The following ILRUN variants were observed in gnomAD, a reference collection of about 807,000 sequenced individuals.
ILRUN encodes the protein protein ILRUN.
Under a neutral mutation model 33.8 loss-of-function variants are expected in ILRUN, and 3 were observed. The observed-to-expected ratio is 0.09, with a 90% CI of 0.04 to 0.23. ILRUN has a LOEUF of 0.23. Among genes scored for constraint, ILRUN ranks in the 10% least tolerant of loss-of-function variants. The probability of loss-of-function intolerance (pLI) is 1.00; values close to 1 mark genes in which losing one functional copy is unlikely to be tolerated. For synonymous variants in ILRUN, 124 were observed against 138.9 expected, an observed-to-expected ratio of 0.89 and a Z score of 0.75; for missense variants, 210 against 375.1, an observed-to-expected ratio of 0.56 and a Z score of 3.64.
intron 1 of ILRUN, among the ~76,000 whole-genome samples, chr6:34,678,879 C>CGAA (rs1763298394): frequency 7.0e-6 from 1 of 142,186 alleles, no homozygotes; most frequent in Admixed American, 6.9e-5. Flanking sequence ...AAAGAAATTT[C>CGAA]ATTTCCCAAG....
chr6:34,595,920 T>C (rs1055826608), intron 4 of ILRUN: 2 of 985,332 alleles, frequency 2.0e-6, no homozygotes, highest in African/African-American at 3.5e-5. Flanking sequence ...TTCTTCCGCC[T>C]AGTGCTCCTT....
intron 1 of ILRUN, among the ~76,000 whole-genome samples, chr6:34,672,550 TA>T (rs1378298582): frequency 1.3e-5 from 2 of 151,954 alleles, no homozygotes; most frequent in African/African-American, 4.8e-5. Context: ...CCTGTCTCTT[TA>T]AAAAAAATTT....
chr6:34,678,836 CA>C (rs767799882), intron 1 of ILRUN, among the ~76,000 whole-genome samples: 168 of 47,880 alleles, frequency 3.5e-3, no homozygotes, highest in East Asian at 0.022. Flanking sequence ...GACTCCGTCT[CA>C]AAAAAAAAAA....
At chr6:34,672,966 A>C (rs1363129229) in intron 1 of ILRUN, among the ~76,000 whole-genome samples, 1 of 152,224 alleles carries the variant, frequency 6.6e-6, no homozygotes, top group Non-Finnish European at 1.5e-5. Flanking sequence ...AAGTTACCAA[A>C]AGTTTTCAGA....
intron 3 of ILRUN, among the ~76,000 whole-genome samples, chr6:34,642,763 A>G (rs1762497164): frequency 7.4e-6 from 1 of 135,982 alleles, no homozygotes; most frequent in Admixed American, 8.2e-5. Flanking sequence ...CTGAGGAGGG[A>G]GGACCACTTG....
intron 3 of ILRUN, among the ~76,000 whole-genome samples, chr6:34,630,815 T>C (rs1762230232): frequency 6.6e-6 from 1 of 152,170 alleles, no homozygotes; most frequent in African/African-American, 2.4e-5. Flanking sequence ...GTACCTGGCT[T>C]GTTCTATTTT....
intron 3 of ILRUN, chr6:34,617,270 T>C (rs891011387): frequency 2.8e-6 from 1 of 359,332 alleles, no homozygotes; most frequent in Middle Eastern, 9.9e-4. Flanking sequence ...GCGTCTATCA[T>C]GATTATTTTT....
intron 1 of ILRUN, among the ~76,000 whole-genome samples, chr6:34,655,445 T>C (rs1476901151): frequency 6.6e-6 from 1 of 152,250 alleles, no homozygotes; most frequent in East Asian, 1.9e-4. Context: ...TACAATCTTA[T>C]TTTCCCCCTT....
chr6:34,601,476 TA>T (rs138154425), intron 4 of ILRUN, among the ~76,000 whole-genome samples: 38,098 of 151,956 alleles, frequency 0.25, 4,858 homozygotes, highest in East Asian at 0.33. Context: ...GGTGCCCTCT[TA>T]ATGCCTCACA....
intron 1 of ILRUN, among the ~76,000 whole-genome samples, chr6:34,690,062 T>C (rs1050994429): frequency 6.6e-6 from 1 of 152,168 alleles, no homozygotes; most frequent in Non-Finnish European, 1.5e-5. Context: ...TATTAACTCC[T>C]AAGTTAATGT....
At chr6:34,596,890 T>C (rs1761410422) in intron 4 of ILRUN, among the ~76,000 whole-genome samples, 1 of 152,146 alleles carries the variant, frequency 6.6e-6, no homozygotes, top group African/African-American at 2.4e-5. Flanking sequence ...TTAACTAACC[T>C]CTACAGTCCT....
At chr6:34,594,135 A>C (rs1294060369) in intron 4 of ILRUN, among the ~76,000 whole-genome samples, 3 of 152,224 alleles carry the variant, frequency 2.0e-5, no homozygotes, top group Non-Finnish European at 2.9e-5. Context: ...TTTTATCTGT[A>C]GTAAAAACAG....
intron 3 of ILRUN, among the ~76,000 whole-genome samples, chr6:34,642,825 CAAAAAAAAAA>C (rs57866309): frequency 4.3e-3 from 184 of 43,004 alleles, no homozygotes; most frequent in African/African-American, 0.016. Flanking sequence ...CCGTCTCTAC[CAAAAAAAAAA>C]AAAAAAAAAA....
chr6:34,686,064 A>G (rs1053324153), intron 1 of ILRUN, among the ~76,000 whole-genome samples: 1 of 152,224 alleles, frequency 6.6e-6, no homozygotes, highest in Non-Finnish European at 1.5e-5. Context: ...GCAAAGAAAA[A>G]AAGAATTGAT....
chr6:34,673,496 A>G (rs1330707191), intron 1 of ILRUN, among the ~76,000 whole-genome samples: 1 of 152,224 alleles, frequency 6.6e-6, no homozygotes, highest in East Asian at 1.9e-4. Flanking sequence ...GCAGCAAAAT[A>G]TTGTGCTGAG....
chr6:34,691,720 C>T (rs1181154314), intron 1 of ILRUN, among the ~76,000 whole-genome samples: 5 of 152,034 alleles, frequency 3.3e-5, no homozygotes, highest in African/African-American at 9.7e-5. Flanking sequence ...CTCTTGAACC[C>T]GGGAGGCAGA....
intron 3 of ILRUN, among the ~76,000 whole-genome samples, chr6:34,612,977 A>T (rs1761791674): frequency 6.6e-6 from 1 of 151,696 alleles, no homozygotes; most frequent in South Asian, 2.1e-4. Context: ...CGGGAGGCGG[A>T]GCTTGCAGTG....
intron 4 of ILRUN, among the ~76,000 whole-genome samples, chr6:34,602,978 G>A (rs1761544100): frequency 6.6e-6 from 1 of 152,220 alleles, no homozygotes; most frequent in Admixed American, 6.5e-5. Context: ...AGCTCTCATA[G>A]TGCAGGTGCC....
At chr6:34,624,588 C>A (rs1419452080) in intron 3 of ILRUN, among the ~76,000 whole-genome samples, 1 of 152,078 alleles carries the variant, frequency 6.6e-6, no homozygotes, top group Non-Finnish European at 1.5e-5. Flanking sequence ...CCTGCCTGGG[C>A]CTCCCAAAGT....
Sources: allele counts gnomAD v4.1 joint callset (sites outside exome capture counted in the v4.1 genomes callset), GRCh38; gene constraint gnomAD v4.1.1; transcripts MANE v1.5; gene names NCBI Gene and HGNC (gene_info 2026-07-23, HGNC 2026-07-21).